NXPH1: variants seen among roughly 807,000 people sequenced by gnomAD.
NXPH1 encodes neurexophilin 1, also known as neurexophilin-1.
A neutral mutation model predicts 23.7 loss-of-function variants in NXPH1; 5 were observed. The observed-to-expected ratio is 0.21, with a 90% confidence interval of 0.11 to 0.44. The LOEUF (loss-of-function observed/expected upper bound fraction) is 0.44, where lower values mean the gene tolerates loss of function less well. Ranked by LOEUF, NXPH1 falls within the 20% of genes least tolerant of loss-of-function variation. NXPH1 has a pLI of 0.99. For synonymous variants in NXPH1, 144 were observed against 122.2 expected, an observed-to-expected ratio of 1.18 and a Z score of -1.18; for missense variants, 324 against 321.6, an observed-to-expected ratio of 1.01 and a Z score of -0.06.
At chr7:8,499,735 T>G (rs1048910317) in intron 2 of NXPH1, among the ~76,000 whole-genome samples, 8 of 152,030 alleles carry the variant, frequency 5.3e-5, no homozygotes, top group Non-Finnish European at 1.0e-4. Flanking sequence ...CTCTCAAATG[T>G]CTATTCCCCG....
At chr7:8,620,722 T>A (rs1233900828) in intron 2 of NXPH1, among the ~76,000 whole-genome samples, 3 of 152,212 alleles carry the variant, frequency 2.0e-5, no homozygotes, top group Non-Finnish European at 4.4e-5. Flanking sequence ...AACCAATACA[T>A]TTCTCCTTTC....
chr7:8,695,157 A>G (rs1014078295), intron 2 of NXPH1, among the ~76,000 whole-genome samples: 9 of 152,176 alleles, frequency 5.9e-5, no homozygotes, highest in African/African-American at 2.2e-4. Context: ...GGTACTTTTA[A>G]TTTTTATAAT....
chr7:8,554,029 T>A (rs1477600932), intron 2 of NXPH1, among the ~76,000 whole-genome samples: 1 of 151,618 alleles, frequency 6.6e-6, no homozygotes, highest in Middle Eastern at 3.2e-3. Flanking sequence ...TGTCAGTGGC[T>A]GAAGTGTGGT....
At chr7:8,636,000 G>T (rs185213625) in intron 2 of NXPH1, among the ~76,000 whole-genome samples, 26 of 152,256 alleles carry the variant, frequency 1.7e-4, no homozygotes, top group African/African-American at 6.0e-4. Context: ...CCCACTGAAG[G>T]TCACTTTATC....
chr7:8,749,382 G>C (rs1285445350), intron 2 of NXPH1, among the ~76,000 whole-genome samples: 1 of 152,162 alleles, frequency 6.6e-6, no homozygotes, highest in Non-Finnish European at 1.5e-5. Context: ...GGGAATTCCA[G>C]GGAGTCTGGC....
intron 2 of NXPH1, among the ~76,000 whole-genome samples, chr7:8,682,776 A>T (rs1821077100): frequency 6.6e-6 from 1 of 152,250 alleles, no homozygotes; most frequent in Non-Finnish European, 1.5e-5. Context: ...GCTTCTTCAG[A>T]AATGCAGTAC....
intron 2 of NXPH1, among the ~76,000 whole-genome samples, chr7:8,662,624 T>C (rs1170656038): frequency 6.6e-6 from 1 of 152,064 alleles, no homozygotes; most frequent in Non-Finnish European, 1.5e-5. Context: ...TAGTAGTTGT[T>C]ATTGCATTAC....
chr7:8,619,110 G>C (rs555363946), intron 2 of NXPH1, among the ~76,000 whole-genome samples: 53 of 152,280 alleles, frequency 3.5e-4, no homozygotes, highest in African/African-American at 1.2e-3. Flanking sequence ...ACTTGAGCTT[G>C]ATTTTAGGAT....
chr7:8,487,788 A>T (rs1259996421), intron 2 of NXPH1, among the ~76,000 whole-genome samples: 1 of 152,164 alleles, frequency 6.6e-6, no homozygotes. Flanking sequence ...ACCGTGGGAC[A>T]TGAGACAGCT....
intron 2 of NXPH1, among the ~76,000 whole-genome samples, chr7:8,625,801 T>C (rs1052701240): frequency 6.6e-6 from 1 of 152,146 alleles, no homozygotes; most frequent in African/African-American, 2.4e-5. Context: ...TAGATCAATG[T>C]CAAGCTAAAG....
chr7:8,568,731 C>A (rs1818592006), intron 2 of NXPH1, among the ~76,000 whole-genome samples: 1 of 151,304 alleles, frequency 6.6e-6, no homozygotes, highest in Non-Finnish European at 1.5e-5. Context: ...AACTGAGTAC[C>A]CTGCTGGTAC....
chr7:8,749,275 T>G (rs11973770), intron 2 of NXPH1, among the ~76,000 whole-genome samples: 15,405 of 152,146 alleles, frequency 0.1, 1,769 homozygotes, highest in African/African-American at 0.28. Context: ...GAAGTAGATA[T>G]CATATTGCCT....
intron 2 of NXPH1, among the ~76,000 whole-genome samples, chr7:8,621,360 G>A (rs1488107215): frequency 6.6e-6 from 1 of 152,162 alleles, no homozygotes; most frequent in Non-Finnish European, 1.5e-5. Flanking sequence ...AACAAGATGG[G>A]TTGCAGCAGA....
chr7:8,548,064 T>C (rs1818223344), intron 2 of NXPH1, among the ~76,000 whole-genome samples: 1 of 151,604 alleles, frequency 6.6e-6, no homozygotes, highest in African/African-American at 2.4e-5. Context: ...ATCTCCATAC[T>C]GTTTTACATA....
chr7:8,543,182 C>T (rs1317778805), intron 2 of NXPH1, among the ~76,000 whole-genome samples: 1 of 151,512 alleles, frequency 6.6e-6, no homozygotes, highest in Admixed American at 6.6e-5. Flanking sequence ...TAAAACTCTT[C>T]ATTGACCTTC....
intron 2 of NXPH1, among the ~76,000 whole-genome samples, chr7:8,559,507 C>T (rs1818408298): frequency 6.6e-6 from 1 of 151,556 alleles, no homozygotes; most frequent in South Asian, 2.1e-4. Flanking sequence ...CTATTTTCTC[C>T]CTACTTTCTT....
intron 2 of NXPH1, among the ~76,000 whole-genome samples, chr7:8,471,673 T>C (rs17404232): frequency 0.37 from 56,615 of 151,854 alleles, 11,045 homozygotes; most frequent in East Asian, 0.61. Flanking sequence ...TCTTGAACTA[T>C]CTATATTTAT....
chr7:8,663,473 G>C lies in NXPH1; in HGVS notation c.55-87535G>C, dbSNP rs920249144. Among the ~76,000 whole-genome samples, 3 of 151,872 alleles carry C rather than the reference G, an allele frequency of 2.0e-5. No homozygotes were observed. The South Asian group carries it at 6.2e-4, about 32-fold the overall frequency. ...CAAAACAAAACAAAAAAATCCTTGC[G>C]GCATTTTCATCTAAAATTAACTGGT... On this transcript the variant is annotated intron_variant, in intron 2 of 2. Coordinates refer to ENST00000405863, the MANE Select transcript of NXPH1 (RefSeq NM_152745.3).
At chr7:8,487,328 GTC>G (rs1817175031) in intron 2 of NXPH1, among the ~76,000 whole-genome samples, 1 of 152,094 alleles carries the variant, frequency 6.6e-6, no homozygotes, top group African/African-American at 2.4e-5. Flanking sequence ...TAGTGAATAA[GTC>G]TCACGAAATC....
Sources: allele counts gnomAD v4.1 joint callset (sites outside exome capture counted in the v4.1 genomes callset), GRCh38; gene constraint gnomAD v4.1.1; transcripts MANE v1.5; gene names NCBI Gene and HGNC (gene_info 2026-07-23, HGNC 2026-07-21).